Variants in PTPRD observed in about 807,000 individuals in gnomAD.
PTPRD encodes receptor-type tyrosine-protein phosphatase delta.
PTPRD carries 34 observed loss-of-function variants against 214.5 expected under a neutral mutation model. The ratio of observed to expected loss-of-function variants is 0.16; its 90% CI spans 0.12 to 0.21. The LOEUF is 0.21. Ranked by LOEUF, PTPRD falls within the 10% of genes least tolerant of loss-of-function variation. The pLI is 1.00. For synonymous variants in PTPRD, 1,128 were observed against 845.7 expected (o/e 1.33, Z -5.79); for missense variants, 2,545 against 2,398.7 (o/e 1.06, Z -1.27).
At chr9:8,770,256 C>A (rs1043730614) in intron 11 of PTPRD, among the ~76,000 whole-genome samples, 2 of 151,794 alleles carry the variant, frequency 1.3e-5, no homozygotes, top group Non-Finnish European at 2.9e-5. Context: ...TGCATTCCAG[C>A]CTGGATGACA....
intron 8 of PTPRD, among the ~76,000 whole-genome samples, chr9:9,504,917 T>C (rs991601062): frequency 6.6e-6 from 1 of 151,662 alleles, no homozygotes; most frequent in Non-Finnish European, 1.5e-5. Flanking sequence ...AATAGAATAC[T>C]TAATAATGAT....
intron 14 of PTPRD, among the ~76,000 whole-genome samples, chr9:8,601,402 C>T (rs980558793): frequency 1.3e-5 from 2 of 152,106 alleles, no homozygotes; most frequent in Admixed American, 6.5e-5. Flanking sequence ...TAGATAGTAG[C>T]CAGGTAATGG....
At chr9:10,178,798 G>C (rs1281595132) in intron 3 of PTPRD, among the ~76,000 whole-genome samples, 2 of 151,942 alleles carry the variant, frequency 1.3e-5, no homozygotes, top group East Asian at 3.9e-4. Flanking sequence ...GATGTGAGGA[G>C]TACCCCCAAG....
intron 10 of PTPRD, among the ~76,000 whole-genome samples, chr9:9,048,499 G>C (rs771467343): frequency 2.0e-4 from 31 of 152,172 alleles, no homozygotes; most frequent in African/African-American, 5.8e-4. Flanking sequence ...CTTGTGATTT[G>C]TGAAAACGTG....
intron 2 of PTPRD, among the ~76,000 whole-genome samples, chr9:10,533,895 CT>C (rs2134868848): frequency 6.6e-6 from 1 of 151,400 alleles, no homozygotes; most frequent in East Asian, 1.9e-4. Flanking sequence ...CTAGTTTCAC[CT>C]TTTTTTATTA....
At chr9:10,145,745 T>G (rs2099017763) in intron 3 of PTPRD, among the ~76,000 whole-genome samples, 1 of 152,080 alleles carries the variant, frequency 6.6e-6, no homozygotes, top group East Asian at 1.9e-4. Flanking sequence ...ACTACACGTA[T>G]ATATACACAC....
chr9:9,940,594 G>T (rs1054510291), intron 4 of PTPRD, among the ~76,000 whole-genome samples: 1 of 152,084 alleles, frequency 6.6e-6, no homozygotes, highest in Non-Finnish European at 1.5e-5. Flanking sequence ...ATTCTTCTGA[G>T]TTTTGTTAAA....
chr9:10,482,341 A>C (rs1457998116), intron 2 of PTPRD, among the ~76,000 whole-genome samples: 2 of 152,246 alleles, frequency 1.3e-5, no homozygotes, highest in East Asian at 3.9e-4. Context: ...ACTGCACTCC[A>C]GCCTGGGCGA....
chr9:9,779,389 A>C (rs935403955), intron 5 of PTPRD, among the ~76,000 whole-genome samples: 2 of 152,200 alleles, frequency 1.3e-5, no homozygotes, highest in African/African-American at 4.8e-5. Flanking sequence ...TGCACAGCGA[A>C]AGAAACTATC....
chr9:10,150,324 T>G (rs2099052256), intron 3 of PTPRD, among the ~76,000 whole-genome samples: 1 of 152,110 alleles, frequency 6.6e-6, no homozygotes, highest in Non-Finnish European at 1.5e-5. Context: ...CGGAATACTA[T>G]GCAGCCATAA....
intron 9 of PTPRD, among the ~76,000 whole-genome samples, chr9:9,254,053 T>C (rs1301510203): frequency 3.9e-5 from 6 of 152,130 alleles, no homozygotes; most frequent in South Asian, 2.1e-4. Context: ...ATACCTATCA[T>C]TGGATTTAGG....
At chr9:10,372,807 C>A (rs7028984) in intron 2 of PTPRD, among the ~76,000 whole-genome samples, 2 of 150,874 alleles carry the variant, frequency 1.3e-5, no homozygotes, top group Non-Finnish European at 3.0e-5. Flanking sequence ...AAGGTAGAAC[C>A]AAAAGTATGC....
intron 10 of PTPRD, among the ~76,000 whole-genome samples, chr9:9,095,488 T>C (rs1297093789): frequency 1.3e-5 from 2 of 152,212 alleles, no homozygotes; most frequent in African/African-American, 4.8e-5. Flanking sequence ...ACATTTGTAG[T>C]ATATTAAAAA....
At chr9:8,567,638 T>C (rs2089773903) in intron 14 of PTPRD, among the ~76,000 whole-genome samples, 1 of 152,204 alleles carries the variant, frequency 6.6e-6, no homozygotes, top group Admixed American at 6.5e-5. Flanking sequence ...GCGTGTAATC[T>C]CCTATTCTAG....
rs547562384 is a variant in PTPRD at position 9,739,300 on chromosome 9, G to A, written c.-325-4729C>T. Among the ~76,000 whole-genome samples the A allele has an allele frequency of 4.6e-5, 7 of 152,262 alleles. No individual in the cohort carries two copies. The East Asian group carries it at 1.4e-3, about 29-fold the overall frequency. On this transcript the variant is annotated intron_variant, in intron 6 of 45. Transcript: ENST00000381196. ...CTACTAAGTGTGATATTAGTTGTAAGCGTTTGCTAGATATTTTTATATCAT... is the reference window on the plus strand; with the variant it reads ...CTACTAAGTGTGATATTAGTTGTAAACGTTTGCTAGATATTTTTATATCAT...
chr9:10,354,811 G>A (rs1390082175), intron 2 of PTPRD, among the ~76,000 whole-genome samples: 1 of 152,088 alleles, frequency 6.6e-6, no homozygotes, highest in African/African-American at 2.4e-5. Context: ...AGTTCTAATG[G>A]AGAGAAGGAA....
At chr9:9,073,652 C>T (rs1219802500) in intron 10 of PTPRD, among the ~76,000 whole-genome samples, 1 of 152,188 alleles carries the variant, frequency 6.6e-6, no homozygotes, top group African/African-American at 2.4e-5. Context: ...ATGCAAGACT[C>T]TTAACTGCAC....
At chr9:8,911,848 C>T (rs1036822343) in intron 11 of PTPRD, among the ~76,000 whole-genome samples, 1 of 152,030 alleles carries the variant, frequency 6.6e-6, no homozygotes, top group Non-Finnish European at 1.5e-5. Flanking sequence ...TAAAAATGAG[C>T]AAAAGGCTTG....
chr9:10,609,033 A>T (rs911567305), intron 2 of PTPRD, among the ~76,000 whole-genome samples: 24 of 152,156 alleles, frequency 1.6e-4, no homozygotes, highest in African/African-American at 5.8e-4. Flanking sequence ...TTTAATTTTC[A>T]TTATAACTTT....
Sources: gnomAD v4.1 joint callset for allele counts (sites outside exome capture counted in the v4.1 genomes callset) on GRCh38, gnomAD v4.1.1 for gene constraint, MANE v1.5 for transcripts, NCBI Gene and HGNC (gene_info 2026-07-23, HGNC 2026-07-21) for gene names.